Variants in MAN1B1 observed in about 807,000 individuals in gnomAD.
MAN1B1 encodes endoplasmic reticulum mannosyl-oligosaccharide 1,2-alpha-mannosidase.
A neutral mutation model predicts 75.5 loss-of-function variants in MAN1B1; 66 were observed. That is an observed-to-expected ratio of 0.87 (90% confidence interval 0.72 to 1.07). The LOEUF (loss-of-function observed/expected upper bound fraction) is 1.07, where lower values mean the gene tolerates loss of function less well. Ranked by LOEUF, MAN1B1 falls within the 50% of genes least tolerant of loss-of-function variation. The pLI is 0.00. For missense variants in MAN1B1, 973 were observed against 912.5 expected, an observed-to-expected ratio of 1.07 and a Z score of -0.85; for synonymous variants, 453 against 382.8, an observed-to-expected ratio of 1.18 and a Z score of -2.14.
chr9:137,096,819 AT>A (rs1315098169), intron 4 of MAN1B1, among the ~76,000 whole-genome samples: 1 of 152,174 alleles, frequency 6.6e-6, no homozygotes, highest in Non-Finnish European at 1.5e-5. Context: ...CAGGTAGTGG[AT>A]CCCAGTGGAG....
At chr9:137,087,433 G>T (rs538522578) in intron 1 of MAN1B1, 1 of 716,310 alleles carries the variant, frequency 1.4e-6, no homozygotes, top group South Asian at 1.5e-5. Flanking sequence ...ATTCTGCGGG[G>T]CGGTGGTGGG....
Position 137,106,178 on chromosome 9 carries a change from TG to T in MAN1B1, c.1311del (p.Leu438TrpfsTer33), listed in dbSNP as rs747262065. On this transcript the variant is annotated frameshift_variant, in exon 9 of 13. Coordinates refer to ENST00000371589, the MANE Select transcript of MAN1B1 (RefSeq NM_016219.5). LOFTEE classifies it high-confidence loss of function. The stretch of plus-strand genomic sequence containing the variant: ...TCCACGGCCTGTCTGGGAAGAAGGA[TG>T]GGCTGGTGCCCATGTTCATCAATAC... Reference protein sequence around the residue: ...HIHGLSGKKDGLVPMFINTHS... With the variant: ...HIHGLSGKKDXLVPMFINTHS... 11 of 1,612,696 alleles carry T rather than the reference TG, an allele frequency of 6.8e-6. No homozygotes were observed. The highest frequency in any genetic ancestry group is 9.3e-6 in the Non-Finnish European group (11 of 1,179,864).
At position 137,106,173 on chromosome 9, in the gene MAN1B1, A is replaced by G; in HGVS notation, c.1303A>G (p.Lys435Glu). 6.2e-7 allele frequency: 1 copy of G among 1,612,906 alleles called. No homozygotes were observed. The highest frequency in any genetic ancestry group is 8.5e-7 in the Non-Finnish European group (1 of 1,179,874). ...GCACATCCACGGCCTGTCTGGGAAGAAGGATGGGCTGGTGCCCATGTTCAT... is the reference window on the plus strand; with the variant it reads ...GCACATCCACGGCCTGTCTGGGAAGGAGGATGGGCTGGTGCCCATGTTCAT... ...TQHIHGLSGK[K>E]DGLVPMFINT... The change falls in exon 9 of 13, where the codon AAG becomes GAG. Residue 435 changes from lysine to glutamate, a missense_variant. Physicochemically the swap from Lys to Glu is moderately conservative, Grantham distance 56. Transcript: ENST00000371589.
intron 12 of MAN1B1, chr9:137,108,056 C>G: frequency 1.6e-6 from 1 of 608,794 alleles, no homozygotes; most frequent in East Asian, 2.7e-5. Flanking sequence ...CACTTCCTGG[C>G]TCTGCTGTGA....
In MAN1B1 at chr9:137,087,351, A is replaced by C. The variant is rs1199991527; in HGVS notation, c.219+133A>C. The C allele has an allele frequency of 3.7e-6, 4 of 1,069,860 alleles. No homozygotes were observed. In the East Asian group the frequency reaches 1.0e-4, roughly 28 times the overall value. The allele number at this position is 1,069,860 out of a possible 1,614,324, so 66.3% of individuals were successfully genotyped here. On this transcript the variant is annotated intron_variant, in intron 1 of 12. Transcript: ENST00000371589. ...CCGCCCTCTCCACCCCTTCCCCGCA[A>C]AAAGGGGCAAATGTGCGTTCCTGGT...
rs758094377 is a variant in MAN1B1 at position 137,108,387 on chromosome 9, G to A, written c.1897-1G>A. The A allele has an allele frequency of 1.2e-6, 2 of 1,613,464 alleles. No homozygotes were observed. The highest frequency in any genetic ancestry group is 1.7e-6 in the Non-Finnish European group (2 of 1,179,892). On this transcript the variant is annotated splice_acceptor_variant, in intron 12 of 12. Transcript: ENST00000371589. LOFTEE classifies it high-confidence loss of function. ...GTGACGAGGCCCTGGCTGCTGCACAGGTCCCCTCGGGTGGCTATTCTTCCA... is the reference window on the plus strand; with the variant it reads ...GTGACGAGGCCCTGGCTGCTGCACAAGTCCCCTCGGGTGGCTATTCTTCCA...
intron 5 of MAN1B1, among the ~76,000 whole-genome samples, chr9:137,099,077 A>T (rs1588597483): frequency 6.6e-6 from 1 of 152,028 alleles, no homozygotes; most frequent in South Asian, 2.1e-4. Context: ...TGATCTGCCC[A>T]CCTCGGCCTC....
At position 137,107,315 on chromosome 9, in the gene MAN1B1, C is replaced by G. The variant is rs374110310; in HGVS notation, c.1632C>G (p.Ser544Arg). The change falls in exon 11 of 13, where the codon AGC becomes AGG. Residue 544 changes from serine (S) to arginine (R), a missense_variant. Transcript: ENST00000371589. The stretch of plus-strand genomic sequence containing the variant: ...GCGTCTACCACGGCCTGCCCGCCAG[C>G]CACATGGAGCTGGCCCAGGAGCTCA... ...ALGVYHGLPASHMELAQELME... is the reference protein window; with the variant it reads ...ALGVYHGLPARHMELAQELME... 1.9e-6 allele frequency: 3 copies of G among 1,613,096 alleles called. No individual in the cohort carries two copies. The African/African-American group carries it at 4.0e-5, about 22-fold the overall frequency.
intron 4 of MAN1B1, among the ~76,000 whole-genome samples, 165 bp downstream of exon 4, chr9:137,096,556 A>G (rs1830658429): frequency 6.6e-6 from 1 of 152,230 alleles, no homozygotes; most frequent in South Asian, 2.1e-4. Flanking sequence ...CGAATTTTTA[A>G]AACTGGAGGT....
chr9:137,107,585 C>G lies in MAN1B1; in HGVS notation c.1819C>G (p.Leu607Val), dbSNP rs1214270414. 2.5e-6 allele frequency: 4 copies of G among 1,612,446 alleles called. No homozygotes were observed. In the Admixed American group the frequency reaches 5.0e-5, roughly 20 times the overall value. Reference sequence around the variant, plus strand: ...AGAGACCGTGGAGAGCCTGTTCTACCTGTACCGCGTCACAGGGGACCGCAA... The same window carrying G: ...AGAGACCGTGGAGAGCCTGTTCTACGTGTACCGCGTCACAGGGGACCGCAA... Reference protein sequence around the residue: ...RPETVESLFYLYRVTGDRKYQ... With the variant: ...RPETVESLFYVYRVTGDRKYQ... The change falls in exon 12 of 13, where the codon CTG becomes GTG. Residue 607 changes from leucine (L) to valine (V), a missense_variant. Leu to Val is a conservative substitution (Grantham distance 32, BLOSUM62 1). Coordinates refer to ENST00000371589, the MANE Select transcript of MAN1B1 (RefSeq NM_016219.5).
intron 8 of MAN1B1, chr9:137,103,048 A>C: frequency 2.3e-6 from 1 of 427,330 alleles, no homozygotes; most frequent in South Asian, 1.6e-5. Context: ...ACACTGTTGC[A>C]GGCGTGCAGG....
intron 8 of MAN1B1, chr9:137,104,139 C>T: frequency 2.2e-6 from 1 of 445,848 alleles, no homozygotes; most frequent in Non-Finnish European, 4.6e-6. Context: ...CCTTCATGTC[C>T]CTCCCCAGTC....
intron 10 of MAN1B1, among the ~76,000 whole-genome samples, 154 bp downstream of exon 10, chr9:137,106,963 C>T (rs534811544): frequency 6.4e-4 from 98 of 152,352 alleles, no homozygotes; most frequent in Middle Eastern, 3.4e-3. Flanking sequence ...CCTGTCTTGG[C>T]AACAGGGCAG....
At chr9:137,088,568 T>G (rs1231827282) in intron 2 of MAN1B1, 1 of 815,854 alleles carries the variant, frequency 1.2e-6, no homozygotes, top group East Asian at 3.2e-5. Flanking sequence ...TGGTCTAAGA[T>G]GCTTCTCTTT....
At chr9:137,087,374 G>A (rs1830401302) in intron 1 of MAN1B1, 156 bp downstream of exon 1, 1 of 938,650 alleles carries the variant, frequency 1.1e-6, no homozygotes, top group East Asian at 2.6e-5. Context: ...GTGCGTTCCT[G>A]GTTGGGGCAG....
intron 10 of MAN1B1, 119 bp from the exon 11 acceptor site, chr9:137,107,131 C>A: frequency 1.8e-6 from 2 of 1,127,988 alleles, no homozygotes; most frequent in Non-Finnish European, 1.3e-6. Context: ...CCTCGCGTGG[C>A]CTCCCCTCCC....
In MAN1B1 at chr9:137,099,892, C is replaced by A. The variant is rs1564281818; in HGVS notation, c.916+11C>A. 8 of 1,614,032 alleles carry A rather than the reference C, an allele frequency of 5.0e-6. No homozygotes were observed. Among genetic ancestry groups the A allele is most frequent in the South Asian group, 1.1e-5 (1 of 91,086 alleles). On this transcript the variant is annotated intron_variant, in intron 6 of 12. Transcript: ENST00000371589. Reference sequence around the variant, plus strand: ...TGGGTCTGAGGAAAGGTACCTGGTGCTTTCTGGGGAGGGGCTGAGCCCTCC... The same window carrying A: ...TGGGTCTGAGGAAAGGTACCTGGTGATTTCTGGGGAGGGGCTGAGCCCTCC...
intron 10 of MAN1B1, 76 bp downstream of exon 10, chr9:137,106,885 A>T: frequency 6.7e-7 from 1 of 1,484,352 alleles, no homozygotes; most frequent in Non-Finnish European, 8.9e-7. Flanking sequence ...CATGATGTCA[A>T]AAAGAACGAA....
At position 137,107,382 on chromosome 9, in the gene MAN1B1, C is replaced by G; in HGVS notation, c.1699C>G (p.Leu567Val). The G allele has an allele frequency of 6.2e-7, 1 of 1,613,442 alleles. No individual in the cohort carries two copies. Among genetic ancestry groups the G allele is most frequent in the South Asian group, 1.1e-5 (1 of 91,092 alleles). Residue 567 changes from leucine to valine, a missense_variant, in exon 11 of 13, where the codon CTG (leucine) becomes GTG (valine). Leu to Val is a conservative substitution (Grantham distance 32, BLOSUM62 1). Transcript: ENST00000371589. ...YQMNRQMETGLSPEIVHFNLY... is the reference protein window; with the variant it reads ...YQMNRQMETGVSPEIVHFNLY... ...GATGAACCGGCAGATGGAGACGGGG[C>G]TGAGTCCCGAGATCGTGCACTTCAA...
Sources: gnomAD v4.1 joint callset for allele counts (sites outside exome capture counted in the v4.1 genomes callset) on GRCh38, gnomAD v4.1.1 for gene constraint, MANE v1.5 for transcripts, NCBI Gene and HGNC (gene_info 2026-07-23, HGNC 2026-07-21) for gene names.